LRRTM3: variants seen among roughly 807,000 people sequenced by gnomAD.
The protein encoded by LRRTM3 is leucine rich repeat transmembrane neuronal 3.
Under a neutral mutation model 44.7 loss-of-function variants are expected in LRRTM3, and 24 were observed. The observed-to-expected ratio is 0.54, with a 90% CI of 0.39 to 0.76. LRRTM3 has a LOEUF of 0.76. Ranked by LOEUF, LRRTM3 falls within the 30% of genes least tolerant of loss-of-function variation. The pLI is 0.00. For synonymous variants in LRRTM3, 277 were observed against 278.7 expected (o/e 0.99, Z 0.06); for missense variants, 587 against 702.2 (o/e 0.84, Z 1.85).
chr10:66,935,622 A>G (rs1007720486), intron 2 of LRRTM3, among the ~76,000 whole-genome samples: 1 of 151,972 alleles, frequency 6.6e-6, no homozygotes, highest in Non-Finnish European at 1.5e-5. Flanking sequence ...TATGTTGTAC[A>G]TGCCTAAAAA....
chr10:66,995,153 A>T (rs1003054291), intron 2 of LRRTM3, among the ~76,000 whole-genome samples: 9 of 152,204 alleles, frequency 5.9e-5, no homozygotes, highest in African/African-American at 2.2e-4. Flanking sequence ...TGCACATTCC[A>T]TAATCTCAAA....
At position 66,927,010 on chromosome 10, in the gene LRRTM3, C is replaced by A. The variant is rs372182192; in HGVS notation, c.94C>A (p.Arg32=). 3.1e-6 allele frequency: 5 copies of A among 1,613,938 alleles called. No homozygotes were observed. Among genetic ancestry groups the A allele is most frequent in the Non-Finnish European group, 3.4e-6 (4 of 1,180,026 alleles). The change falls in exon 2 of 3, where the codon CGA becomes AGA. Residue 32 remains arginine (R), a synonymous_variant. Transcript: ENST00000361320. The surrounding 1 kb of genome is among the most constrained non-coding windows in gnomAD (Gnocchi z 4.7). ...VLLTMLSSAE[R]GCPKGCRCEG... ...ACTGACAATGCTTTCTTCTGCCGAA[C>A]GAGGATGCCCTAAGGGCTGTAGGTG...
intron 2 of LRRTM3, among the ~76,000 whole-genome samples, chr10:67,093,880 A>G (rs1216594854): frequency 1.3e-5 from 2 of 152,050 alleles, no homozygotes; most frequent in African/African-American, 2.4e-5. Flanking sequence ...ATTCTCAAAC[A>G]ACTGACTATA....
intron 2 of LRRTM3, among the ~76,000 whole-genome samples, chr10:67,034,532 C>A (rs546909268): frequency 1.1e-4 from 16 of 152,162 alleles, no homozygotes; most frequent in Admixed American, 2.0e-4. Context: ...TCATTTCAAT[C>A]TCCTACCCTC....
At chr10:66,931,942 A>G (rs898958134) in intron 2 of LRRTM3, among the ~76,000 whole-genome samples, 2 of 152,202 alleles carry the variant, frequency 1.3e-5, no homozygotes, top group Admixed American at 6.5e-5. Flanking sequence ...TAATTTAGGT[A>G]GGAAAAACAA....
chr10:66,965,170 ATG>A, intron 2 of LRRTM3, among the ~76,000 whole-genome samples: 1 of 152,214 alleles, frequency 6.6e-6, no homozygotes, highest in African/African-American at 2.4e-5. Flanking sequence ...AAGGCAGACA[ATG>A]CCCTGGATTT....
chr10:67,058,341 T>C (rs1855562742), intron 2 of LRRTM3, among the ~76,000 whole-genome samples: 1 of 152,216 alleles, frequency 6.6e-6, no homozygotes, highest in African/African-American at 2.4e-5. Flanking sequence ...TAACATATTG[T>C]TTTATGTATT....
intron 2 of LRRTM3, among the ~76,000 whole-genome samples, chr10:66,939,307 C>G (rs1462270651): frequency 6.6e-6 from 1 of 152,038 alleles, no homozygotes; most frequent in Non-Finnish European, 1.5e-5. Context: ...ATTTCTTTTT[C>G]TCTTTCTCAT....
chr10:67,037,650 T>C (rs569264812), intron 2 of LRRTM3, among the ~76,000 whole-genome samples: 53 of 152,062 alleles, frequency 3.5e-4, no homozygotes, highest in African/African-American at 1.2e-3. Context: ...TAACAGAGGG[T>C]GAGGAACTAA....
At chr10:67,012,087 C>T (rs567689881) in intron 2 of LRRTM3, among the ~76,000 whole-genome samples, 5 of 152,300 alleles carry the variant, frequency 3.3e-5, no homozygotes, top group African/African-American at 7.2e-5. Flanking sequence ...TCCGTAGATA[C>T]AAGTCAAACA....
chr10:67,034,976 T>C (rs1314177740), intron 2 of LRRTM3, among the ~76,000 whole-genome samples: 1 of 152,206 alleles, frequency 6.6e-6, no homozygotes, highest in Non-Finnish European at 1.5e-5. Context: ...TACTAGGAAC[T>C]CTTGGAAGGC....
chr10:66,949,936 T>C (rs1293930519), intron 2 of LRRTM3, among the ~76,000 whole-genome samples: 1 of 152,210 alleles, frequency 6.6e-6, no homozygotes, highest in Admixed American at 6.5e-5. Flanking sequence ...AGACATTAAA[T>C]AGAAAACTTG....
chr10:67,075,757 C>T (rs1217868710), intron 2 of LRRTM3, among the ~76,000 whole-genome samples: 1 of 152,156 alleles, frequency 6.6e-6, no homozygotes. Flanking sequence ...GTTAGGAGGC[C>T]TTGGCAAATG....
intron 2 of LRRTM3, among the ~76,000 whole-genome samples, chr10:66,931,647 T>C (rs1019784414): frequency 6.6e-6 from 1 of 152,178 alleles, no homozygotes; most frequent in Non-Finnish European, 1.5e-5. Flanking sequence ...GTTTTTTGAC[T>C]AGTAAATCAG....
intron 2 of LRRTM3, among the ~76,000 whole-genome samples, chr10:66,930,663 A>G (rs1428965336): frequency 6.6e-6 from 1 of 152,182 alleles, no homozygotes; most frequent in Non-Finnish European, 1.5e-5. Context: ...CTACTAGTAT[A>G]TATAAAATAT....
intron 2 of LRRTM3, among the ~76,000 whole-genome samples, chr10:67,088,655 CTCT>C (rs1213483823): frequency 6.6e-6 from 1 of 152,010 alleles, no homozygotes; most frequent in East Asian, 1.9e-4. Flanking sequence ...TCAAATAGAA[CTCT>C]TAAGTTTTTT....
At chr10:67,018,757 A>G (rs1033783459) in intron 2 of LRRTM3, among the ~76,000 whole-genome samples, 5 of 152,224 alleles carry the variant, frequency 3.3e-5, no homozygotes, top group African/African-American at 1.2e-4. Context: ...GTGAAGATTA[A>G]AGGAGTTAAT....
chr10:67,086,655 A>G (rs1437923150), intron 2 of LRRTM3, among the ~76,000 whole-genome samples: 1 of 152,028 alleles, frequency 6.6e-6, no homozygotes, highest in Non-Finnish European at 1.5e-5. Flanking sequence ...GGGCTATTAG[A>G]AGTCATGAGA....
intron 1 of LRRTM3, 36 bp from the exon 2 acceptor site, chr10:66,926,885 G>GA: frequency 6.6e-7 from 1 of 1,512,804 alleles, no homozygotes; most frequent in Non-Finnish European, 8.8e-7. Flanking sequence ...ATTCTTTTTT[G>GA]GGGGGATAAC....
Sources: allele counts gnomAD v4.1 joint callset (sites outside exome capture counted in the v4.1 genomes callset), GRCh38; gene constraint gnomAD v4.1.1; non-coding constraint Gnocchi (gnomAD v3.1); transcripts MANE v1.5; gene names NCBI Gene and HGNC (gene_info 2026-07-23, HGNC 2026-07-21).